The following TMED5 variants were observed in gnomAD, a reference collection of about 807,000 sequenced individuals.
TMED5 encodes the protein transmembrane p24 trafficking protein 5.
Under a neutral mutation model 23.0 loss-of-function variants are expected in TMED5, and 27 were observed. The ratio of observed to expected loss-of-function variants is 1.17; its 90% CI spans 0.86 to 1.62. TMED5 has a LOEUF of 1.62. Ranked by LOEUF, TMED5 falls within the 40% of genes most tolerant of loss-of-function variation. TMED5 has a pLI of 0.00. For missense variants in TMED5, 248 were observed against 273.7 expected (o/e 0.91, Z 0.66); for synonymous variants, 97 against 100.8 (o/e 0.96, Z 0.23).
At chr1:93,170,487 G>A (rs771038361) in intron 1 of TMED5, among the ~76,000 whole-genome samples, 6 of 152,196 alleles carry the variant, frequency 3.9e-5, no homozygotes, top group South Asian at 2.1e-4. Flanking sequence ...CCTGCAGCCC[G>A]CCATGCCTGA....
intron 3 of TMED5, chr1:93,156,060 C>A (rs1161772037): frequency 6.8e-7 from 1 of 1,475,910 alleles, no homozygotes; most frequent in Non-Finnish European, 9.0e-7. Flanking sequence ...ATTTGCACAT[C>A]TGAAGCTATT....
At chr1:93,166,509 G>C (rs529514155) in intron 1 of TMED5, among the ~76,000 whole-genome samples, 2 of 152,272 alleles carry the variant, frequency 1.3e-5, no homozygotes, top group South Asian at 4.1e-4. Flanking sequence ...TTTCTCTGAT[G>C]ATCAATGATG....
chr1:93,156,249 T>C (rs1179433462), intron 3 of TMED5, 51 bp downstream of exon 3: 3 of 1,492,450 alleles, frequency 2.0e-6, no homozygotes, highest in Non-Finnish European at 2.8e-6. Context: ...ATTACCATAG[T>C]AAGGCCTCTG....
At chr1:93,159,677 T>TAAA (rs59708035) in intron 2 of TMED5, among the ~76,000 whole-genome samples, 1 of 149,260 alleles carries the variant, frequency 6.7e-6, no homozygotes, top group African/African-American at 2.5e-5. Flanking sequence ...GAGGTCTGAA[T>TAAA]AAAAAAAAAA....
chr1:93,158,851 C>A, intron 2 of TMED5: 2 of 914,152 alleles, frequency 2.2e-6, no homozygotes, highest in Non-Finnish European at 2.6e-6. Flanking sequence ...TAGGCGTGAA[C>A]CGCAGTGCCT....
Position 93,152,398 on chromosome 1 carries a change from T to G in TMED5, c.*2272A>C, listed in dbSNP as rs534301810. Reference sequence around the variant, plus strand: ...AATTAAAAAAAGCATATGAAGCAGATAAACAGTATGTCTTTAGAAATATTA... The same window carrying G: ...AATTAAAAAAAGCATATGAAGCAGAGAAACAGTATGTCTTTAGAAATATTA... On this transcript the variant is annotated 3_prime_UTR_variant, in exon 4 of 4. Transcript: ENST00000370282. 1 of 152,410 alleles carries G rather than the reference T, an allele frequency of 6.6e-6. No homozygotes were observed. The highest frequency in any genetic ancestry group is 1.5e-5 in the Non-Finnish European group (1 of 68,010). 9.4% of individuals were successfully genotyped at this position (152,410 alleles called of 1,614,324 possible).
chr1:93,157,212 T>A (rs1386125686), intron 2 of TMED5, among the ~76,000 whole-genome samples: 1 of 152,202 alleles, frequency 6.6e-6, no homozygotes, highest in Non-Finnish European at 1.5e-5. Flanking sequence ...CTTCCAGGCC[T>A]CTTACTGATT....
chr1:93,171,482 G>C (rs1648734156), intron 1 of TMED5, among the ~76,000 whole-genome samples: 1 of 152,164 alleles, frequency 6.6e-6, no homozygotes, highest in Non-Finnish European at 1.5e-5. Flanking sequence ...CCAATTCCTT[G>C]AAAGATATAA....
intron 2 of TMED5, 94 bp downstream of exon 2, chr1:93,160,035 G>T: frequency 1.5e-6 from 1 of 682,216 alleles, no homozygotes; most frequent in South Asian, 1.7e-5. Context: ...ATCTAATATT[G>T]ATATGTAGTA....
At position 93,151,354 on chromosome 1, in the gene TMED5, T is replaced by C. The variant is rs182941468; in HGVS notation, c.*3316A>G. On this transcript the variant is annotated 3_prime_UTR_variant, in exon 4 of 4. Transcript: ENST00000370282. ...TACACCAAGCATTGTACTTTTCCTA[T>C]ATGCTAACAAGTTTTAAGATGTTTC... 2 of 152,344 alleles carry C rather than the reference T, an allele frequency of 1.3e-5. No homozygotes were observed. Among genetic ancestry groups the C allele is most frequent in the African/African-American group, 4.8e-5 (2 of 41,586 alleles). The allele number at this position is 152,344 out of a possible 1,614,324, so 9.4% of individuals were successfully genotyped here.
At position 93,156,055 on chromosome 1, in the gene TMED5, C is replaced by T. The variant is rs752035140; in HGVS notation, c.471+245G>A. The T allele has an allele frequency of 4.8e-6, 7 of 1,471,508 alleles. No individual in the cohort carries two copies. In the South Asian group the frequency reaches 8.8e-5, roughly 18 times the overall value. 91.2% of individuals were successfully genotyped at this position (1,471,508 alleles called of 1,614,324 possible). On this transcript the variant is annotated intron_variant, in intron 3 of 3. Coordinates refer to ENST00000370282, the MANE Select transcript of TMED5 (RefSeq NM_016040.5). ...ACTTACCAAGATGCAGTCTTATTTGCACATCTGAAGCTATTTTTATAATAG... is the reference window on the plus strand; with the variant it reads ...ACTTACCAAGATGCAGTCTTATTTGTACATCTGAAGCTATTTTTATAATAG...
intron 1 of TMED5, among the ~76,000 whole-genome samples, chr1:93,168,487 A>C (rs982934933): frequency 7.9e-5 from 12 of 152,248 alleles, no homozygotes; most frequent in African/African-American, 2.9e-4. Context: ...TGAAGTAGCT[A>C]TATTAATGTC....
chr1:93,174,177 G>C (rs1454046845), intron 1 of TMED5, among the ~76,000 whole-genome samples: 1 of 151,754 alleles, frequency 6.6e-6, no homozygotes, highest in Non-Finnish European at 1.5e-5. Context: ...TCACCATGTT[G>C]GTCAGGCTGG....
chr1:93,154,794 T>C lies in TMED5; in HGVS notation c.566A>G (p.Glu189Gly), dbSNP rs141023775. 74 of 1,614,034 alleles carry C rather than the reference T, an allele frequency of 4.6e-5. No homozygotes were observed. Among genetic ancestry groups the C allele is most frequent in the Non-Finnish European group, 6.1e-5 (72 of 1,180,018 alleles). The change falls in exon 4 of 4, where the codon GAA becomes GGA. Residue 189 changes from glutamate (E) to glycine (G), a missense_variant. Physicochemically the swap from Glu to Gly is moderately conservative, Grantham distance 98. Transcript: ENST00000370282. ...AFEARDRNIQ[E>G]SNFDRVNFWS... ...GAAATTGACTCTATCAAAGTTGCTT[T>C]CTTGTATGTTTCGATCACGAGCTTC...
chr1:93,156,184 T>C (rs1648068688), intron 3 of TMED5, 116 bp downstream of exon 3: 1 of 1,180,738 alleles, frequency 8.5e-7, no homozygotes, highest in Admixed American at 2.7e-5. Context: ...AAAAATAAAA[T>C]ATTAGAAACA....
Position 93,153,665 on chromosome 1 carries a change from T to G in TMED5, c.*1005A>C, listed in dbSNP as rs1647959255. 6.6e-6 allele frequency: 1 copy of G among 152,274 alleles called. No homozygotes were observed. The highest frequency in any genetic ancestry group is 2.1e-4 in the South Asian group (1 of 4,828). 9.4% of individuals were successfully genotyped at this position (152,274 alleles called of 1,614,324 possible). ...GGTTTTCTCAAGTTTTTCTAAATTCTTTCCTGTTTCTGATAATTCTTAGAG... is the reference window on the plus strand; with the variant it reads ...GGTTTTCTCAAGTTTTTCTAAATTCGTTCCTGTTTCTGATAATTCTTAGAG... On this transcript the variant is annotated 3_prime_UTR_variant, in exon 4 of 4. Coordinates refer to ENST00000370282, the MANE Select transcript of TMED5 (RefSeq NM_016040.5).
intron 2 of TMED5, among the ~76,000 whole-genome samples, chr1:93,159,207 T>A (rs188204206): frequency 6.6e-6 from 1 of 152,304 alleles, no homozygotes; most frequent in Admixed American, 6.5e-5. Flanking sequence ...TCTAAGCATA[T>A]GGTAGAAAGC....
chr1:93,155,031 G>A (rs930126912), intron 3 of TMED5, 143 bp from the exon 4 acceptor site: 3 of 622,712 alleles, frequency 4.8e-6, no homozygotes, highest in South Asian at 4.2e-5. Flanking sequence ...TTGAACCCAG[G>A]AGTTCAAGAC....
intron 1 of TMED5, among the ~76,000 whole-genome samples, chr1:93,177,256 A>G (rs1368235168): frequency 6.6e-6 from 1 of 152,160 alleles, no homozygotes; most frequent in Non-Finnish European, 1.5e-5. Flanking sequence ...TCCTTAATCA[A>G]AACAAATTGT....
Sources: allele counts gnomAD v4.1 joint callset (sites outside exome capture counted in the v4.1 genomes callset), GRCh38; gene constraint gnomAD v4.1.1; transcripts MANE v1.5; gene names NCBI Gene and HGNC (gene_info 2026-07-23, HGNC 2026-07-21).